ARHGAP18: variants seen among roughly 807,000 people sequenced by gnomAD.
The protein encoded by ARHGAP18 is rho GTPase-activating protein 18.
In ARHGAP18, 67 loss-of-function variants were observed where a neutral mutation model predicts 86.2. The observed-to-expected ratio is 0.78, with a 90% CI of 0.64 to 0.95. The LOEUF (loss-of-function observed/expected upper bound fraction) is 0.95. Ranked by LOEUF, ARHGAP18 falls within the 40% of genes least tolerant of loss-of-function variation. The pLI is 0.00. For synonymous variants in ARHGAP18, 283 were observed against 280.4 expected (o/e 1.01, Z -0.09); for missense variants, 691 against 780.4 (o/e 0.89, Z 1.37).
chr6:129,631,250 T>C (rs1295212572), intron 4 of ARHGAP18, among the ~76,000 whole-genome samples: 1 of 152,146 alleles, frequency 6.6e-6, no homozygotes, highest in African/African-American at 2.4e-5. Context: ...AACTACTCTT[T>C]CTTCTCACCA....
At chr6:129,654,909 C>T (rs1773794545) in intron 1 of ARHGAP18, among the ~76,000 whole-genome samples, 1 of 152,324 alleles carries the variant, frequency 6.6e-6, no homozygotes, top group South Asian at 2.1e-4. Context: ...GACTGAACCT[C>T]AGCAGAGGTC....
At chr6:129,615,256 C>A (rs1314825725) in intron 7 of ARHGAP18, among the ~76,000 whole-genome samples, 1 of 152,166 alleles carries the variant, frequency 6.6e-6, no homozygotes. Context: ...GTACTGCTGA[C>A]AGCTCTCCAT....
intron 13 of ARHGAP18, among the ~76,000 whole-genome samples, 171 bp downstream of exon 13, chr6:129,583,817 T>C (rs1351294175): frequency 1.3e-5 from 2 of 151,752 alleles, no homozygotes; most frequent in African/African-American, 4.8e-5. Context: ...AACAGTCTAA[T>C]GGTTAAGTCT....
chr6:129,593,952 T>A (rs1277540061), intron 12 of ARHGAP18, among the ~76,000 whole-genome samples: 3 of 152,152 alleles, frequency 2.0e-5, no homozygotes, highest in Non-Finnish European at 4.4e-5. Context: ...AAATGCCCAA[T>A]TATAAACGGT....
chr6:129,637,436 G>GC (rs1773357293), intron 3 of ARHGAP18, among the ~76,000 whole-genome samples: 2 of 152,150 alleles, frequency 1.3e-5, no homozygotes, highest in Non-Finnish European at 2.9e-5. Flanking sequence ...TTATTAACAA[G>GC]TTAATCACCT....
At chr6:129,667,100 TAA>T (rs1369592781) in intron 1 of ARHGAP18, among the ~76,000 whole-genome samples, 1 of 152,196 alleles carries the variant, frequency 6.6e-6, no homozygotes, top group African/African-American at 2.4e-5. Context: ...TTTCATTTTA[TAA>T]ACTCATTTTT....
rs890540383 is a variant in ARHGAP18, at chr6:129,661,824, C to T, written c.114-19806G>A. Reference sequence around the variant, plus strand: ...CCCTCCACCCTCAGCCCATCCCAGTCTCTTCATCCCACCAGCTCACCCAGC... The same window carrying T: ...CCCTCCACCCTCAGCCCATCCCAGTTTCTTCATCCCACCAGCTCACCCAGC... On this transcript the variant is annotated intron_variant, in intron 1 of 14. Coordinates refer to ENST00000368149, the MANE Select transcript of ARHGAP18 (RefSeq NM_033515.3). 6 of 977,012 alleles carry T rather than the reference C, an allele frequency of 6.1e-6. No homozygotes were observed. The African/African-American group carries it at 1.1e-4, about 17-fold the overall frequency. 60.5% of individuals were successfully genotyped at this position (977,012 alleles called of 1,614,324 possible).
At chr6:129,588,588 C>T (rs548726378) in intron 12 of ARHGAP18, among the ~76,000 whole-genome samples, 2 of 152,318 alleles carry the variant, frequency 1.3e-5, no homozygotes, top group Non-Finnish European at 1.5e-5. Flanking sequence ...GTGTCTGCAG[C>T]CTTTCCAGGC....
chr6:129,676,915 C>CTTTTTTTT (rs10688716), intron 1 of ARHGAP18, among the ~76,000 whole-genome samples: 9 of 37,998 alleles, frequency 2.4e-4, no homozygotes, highest in African/African-American at 4.8e-4. Flanking sequence ...TTTTTGTCCT[C>CTTTTTTTT]TTTTTTTTTT....
At chr6:129,600,925 TTTATTTCATTG>T in intron 10 of ARHGAP18, 77 bp from the exon 11 acceptor site, 1 of 1,281,776 alleles carries the variant, frequency 7.8e-7, no homozygotes. Flanking sequence ...ATATGCAATT[TTTATTTCATTG>T]AAAAAACAAG....
chr6:129,649,952 G>T (rs1244484200), intron 1 of ARHGAP18, among the ~76,000 whole-genome samples: 1 of 117,028 alleles, frequency 8.5e-6, no homozygotes. Flanking sequence ...CACTCTTGTT[G>T]TCCAGGCTGT....
At chr6:129,595,598 T>C (rs1044656713) in intron 12 of ARHGAP18, among the ~76,000 whole-genome samples, 3 of 152,104 alleles carry the variant, frequency 2.0e-5, no homozygotes, top group African/African-American at 7.2e-5. Context: ...CCTCCAATCT[T>C]ACACTCCCTC....
At chr6:129,620,933 CAAACG>C (rs1424803258) in intron 5 of ARHGAP18, among the ~76,000 whole-genome samples, 1 of 152,130 alleles carries the variant, frequency 6.6e-6, no homozygotes, top group Admixed American at 6.5e-5. Flanking sequence ...AGACTGAATG[CAAACG>C]TAAATATGAT....
chr6:129,612,077 T>G (rs1409774461), intron 7 of ARHGAP18, among the ~76,000 whole-genome samples: 1 of 152,224 alleles, frequency 6.6e-6, no homozygotes, highest in African/African-American at 2.4e-5. Context: ...TTTTTAAGTC[T>G]TTGGTGTTAA....
chr6:129,607,016 T>C (rs1341982125), intron 9 of ARHGAP18, among the ~76,000 whole-genome samples: 5 of 151,944 alleles, frequency 3.3e-5, no homozygotes, highest in African/African-American at 9.7e-5. Flanking sequence ...CGCACCACTA[T>C]GCCTGGCTAA....
chr6:129,644,553 C>G (rs1773541287), intron 1 of ARHGAP18, among the ~76,000 whole-genome samples: 1 of 152,104 alleles, frequency 6.6e-6, no homozygotes, highest in Non-Finnish European at 1.5e-5. Context: ...TGTTTTCTCT[C>G]TCATAGTGTG....
intron 1 of ARHGAP18, among the ~76,000 whole-genome samples, chr6:129,672,523 G>A (rs1198779591): frequency 6.6e-6 from 1 of 151,306 alleles, no homozygotes; most frequent in Non-Finnish European, 1.5e-5. Flanking sequence ...GAAGTGTGAC[G>A]TATATTAAGT....
At position 129,590,276 on chromosome 6, in the gene ARHGAP18, C is replaced by G. The variant is rs151246657; in HGVS notation, c.1714-6164G>C. ...GGTACCATAGCTTTGGGGAGTATGA[C>G]CATGCCATGCTTCCTTATGAAATGA... On this transcript the variant is annotated intron_variant, in intron 12 of 14. Coordinates refer to ENST00000368149, the MANE Select transcript of ARHGAP18 (RefSeq NM_033515.3). 3.7e-3 allele frequency among the ~76,000 whole-genome samples: 570 copies of G among 152,204 alleles called. 3 individuals carry two copies. The highest frequency in any genetic ancestry group is 0.013 in the African/African-American group (538 of 41,536).
At chr6:129,646,916 T>C (rs865916591) in intron 1 of ARHGAP18, among the ~76,000 whole-genome samples, 2 of 152,136 alleles carry the variant, frequency 1.3e-5, no homozygotes, top group African/African-American at 2.4e-5. Flanking sequence ...ACCACTGTTT[T>C]AAGAATTCTC....
Sources: allele counts gnomAD v4.1 joint callset (sites outside exome capture counted in the v4.1 genomes callset), GRCh38; gene constraint gnomAD v4.1.1; transcripts MANE v1.5; gene names NCBI Gene and HGNC (gene_info 2026-07-23, HGNC 2026-07-21).